ZFHX3: variants seen among roughly 807,000 people sequenced by gnomAD.
ZFHX3 encodes the protein zinc finger homeobox 3, also known as zinc finger homeobox protein 3.
ZFHX3 carries 42 observed loss-of-function variants against 279.1 expected under a neutral mutation model. The ratio of observed to expected loss-of-function variants is 0.15; its 90% confidence interval spans 0.12 to 0.19. The LOEUF (loss-of-function observed/expected upper bound fraction) is 0.19. ZFHX3 is among the 10% of genes least tolerant of loss of function. The probability of loss-of-function intolerance (pLI) is 1.00; values close to 1 mark genes in which losing one functional copy is unlikely to be tolerated. For missense variants in ZFHX3, 4,981 were observed against 4,754.0 expected (o/e 1.05, Z -1.40); for synonymous variants, 2,293 against 1,957.8 (o/e 1.17, Z -4.52).
intron 2 of ZFHX3, among the ~76,000 whole-genome samples, chr16:73,671,791 C>T (rs1555531511): frequency 6.6e-6 from 1 of 152,146 alleles, no homozygotes; most frequent in Non-Finnish European, 1.5e-5. Flanking sequence ...TTTAGACTTA[C>T]TTAGGAAAAA....
At chr16:73,847,405 A>G (rs1018245578) in intron 1 of ZFHX3, among the ~76,000 whole-genome samples, 1 of 152,166 alleles carries the variant, frequency 6.6e-6, no homozygotes, top group African/African-American at 2.4e-5. Context: ...TCCCTGGAAA[A>G]TGCATTCCCA....
At chr16:73,256,145 T>C (rs752448385) in intron 5 of ZFHX3, among the ~76,000 whole-genome samples, 1 of 152,200 alleles carries the variant, frequency 6.6e-6, no homozygotes, top group Non-Finnish European at 1.5e-5. Flanking sequence ...GATGCCATTC[T>C]TCAGTGGTCA....
At chr16:72,866,076 GA>G (rs1185373991) in intron 4 of ZFHX3, among the ~76,000 whole-genome samples, 1 of 151,910 alleles carries the variant, frequency 6.6e-6, no homozygotes, top group South Asian at 2.1e-4. Context: ...TTGGAAGGAG[GA>G]AAAAAAGGAA....
chr16:73,316,396 C>T (rs912067774), intron 4 of ZFHX3, among the ~76,000 whole-genome samples: 2 of 152,124 alleles, frequency 1.3e-5, no homozygotes, highest in African/African-American at 4.8e-5. Flanking sequence ...CCCACCCTCA[C>T]CCCCAACACT....
chr16:73,591,339 C>G (rs535572936), intron 2 of ZFHX3, among the ~76,000 whole-genome samples: 82 of 151,154 alleles, frequency 5.4e-4, no homozygotes, highest in African/African-American at 1.9e-3. Context: ...GGTGACAAAG[C>G]AAGACTCTGC....
intron 1 of ZFHX3, among the ~76,000 whole-genome samples, chr16:73,805,646 A>G (rs912009994): frequency 3.3e-5 from 5 of 152,264 alleles, no homozygotes; most frequent in Non-Finnish European, 7.3e-5. Flanking sequence ...AAACATGTTA[A>G]GCACCAATGA....
Position 72,958,780 on chromosome 16 carries a change from C to A in ZFHX3, c.1366G>T (p.Val456Leu). ...VGDGDCFSEK[V>L]EPAEEEAEEE... ...TCCGCCTCCTCTTCGGCTGGCTCTA[C>A]CTTCTCAGAGAAGCAATCCCCGTCG... The change falls in exon 2 of 10, where the codon GTA (valine) becomes TTA (leucine). Residue 456 changes from valine to leucine, a missense_variant. Physicochemically the swap from Val to Leu is conservative, Grantham distance 32. Transcript: ENST00000268489. 6.2e-7 allele frequency: 1 copy of A among 1,614,156 alleles called. No homozygotes were observed. The highest frequency in any genetic ancestry group is 1.1e-5 in the South Asian group (1 of 91,080).
At chr16:73,714,019 C>G (rs192566967) in intron 1 of ZFHX3, among the ~76,000 whole-genome samples, 6 of 152,252 alleles carry the variant, frequency 3.9e-5, no homozygotes, top group African/African-American at 1.4e-4. Context: ...GATGTATGAT[C>G]CCTTCCTCAC....
At chr16:73,306,669 T>G (rs932484252) in intron 4 of ZFHX3, among the ~76,000 whole-genome samples, 4 of 152,194 alleles carry the variant, frequency 2.6e-5, no homozygotes, top group African/African-American at 9.6e-5. Context: ...CCATCTCACT[T>G]GGAGATGATG....
chr16:73,495,290 G>A (rs1320638848), intron 2 of ZFHX3, among the ~76,000 whole-genome samples: 1 of 150,542 alleles, frequency 6.6e-6, no homozygotes, highest in Non-Finnish European at 1.5e-5. Context: ...TGTATCGGAG[G>A]TGAATTCCAT....
At chr16:73,830,411 G>A (rs888179186) in intron 1 of ZFHX3, among the ~76,000 whole-genome samples, 21 of 151,966 alleles carry the variant, frequency 1.4e-4, no homozygotes, top group Non-Finnish European at 2.5e-4. Context: ...GTTCCTATTC[G>A]GCCATCTTGG....
intron 2 of ZFHX3, among the ~76,000 whole-genome samples, chr16:73,652,356 A>G (rs749996747): frequency 2.8e-4 from 43 of 152,220 alleles, no homozygotes; most frequent in Non-Finnish European, 5.6e-4. Context: ...CAGCAGTTAA[A>G]CACCAAAAAA....
At chr16:73,588,093 G>A (rs184090015) in intron 2 of ZFHX3, among the ~76,000 whole-genome samples, 11,353 of 151,834 alleles carry the variant, frequency 0.075, 1,443 homozygotes, top group African/African-American at 0.26. Context: ...AATCAACAAC[G>A]TAAGGTAACT....
At position 73,285,482 on chromosome 16, in the gene ZFHX3, C is replaced by T. The variant is rs145071399; in HGVS notation, c.-1193-28346G>A. On this transcript the variant is annotated intron_variant, in intron 4 of 17. Coordinates refer to the ZFHX3 transcript ENST00000641206. ...CTCTGGGTTGACATTTAGCCCTTAA[C>T]ACACCATGACAGCATGAGGCTCTGT... Among the ~76,000 whole-genome samples, 934 of 152,350 alleles carry T rather than the reference C, an allele frequency of 6.1e-3. 10 individuals are homozygous for T. The highest frequency in any genetic ancestry group is 0.021 in the African/African-American group (864 of 41,578).
At chr16:73,664,976 G>C (rs2052820244) in intron 2 of ZFHX3, among the ~76,000 whole-genome samples, 1 of 152,164 alleles carries the variant, frequency 6.6e-6, no homozygotes, top group African/African-American at 2.4e-5. Flanking sequence ...GTCCATTAGA[G>C]AGGGCAGATG....
chr16:73,401,407 C>CACACACACACACCT (rs2017252400), intron 3 of ZFHX3: 1 of 126,390 alleles, frequency 7.9e-6, no homozygotes, highest in South Asian at 2.7e-4. Context: ...CACACACACA[C>CACACACACACACCT]CTCAAAAGCC....
intron 1 of ZFHX3, among the ~76,000 whole-genome samples, chr16:72,962,059 T>C (rs1961605171): frequency 6.6e-6 from 1 of 152,166 alleles, no homozygotes; most frequent in South Asian, 2.1e-4. Context: ...GCCAAAAAGG[T>C]TGGCAGGCCT....
chr16:73,214,843 CTTTTTTTTTTTTT>C (rs386385051), intron 5 of ZFHX3, among the ~76,000 whole-genome samples: 14 of 79,256 alleles, frequency 1.8e-4, no homozygotes, highest in Non-Finnish European at 2.9e-4. Context: ...TGCTGAAGGC[CTTTTTTTTTTTTT>C]TTTTTTTTTT....
intron 5 of ZFHX3, among the ~76,000 whole-genome samples, chr16:73,204,180 C>T (rs766179769): frequency 1.1e-4 from 16 of 151,898 alleles, no homozygotes; most frequent in Non-Finnish European, 1.6e-4. Context: ...AGTTTTTCCA[C>T]GGACTATGGG....
Sources: gnomAD v4.1 joint callset for allele counts (sites outside exome capture counted in the v4.1 genomes callset) on GRCh38, gnomAD v4.1.1 for gene constraint, MANE v1.5 for transcripts, NCBI Gene and HGNC (gene_info 2026-07-23, HGNC 2026-07-21) for gene names.